CNTLN: variants seen among roughly 807,000 people sequenced by gnomAD.
CNTLN encodes the protein centlein, centrosomal protein.
A neutral mutation model predicts 180.0 loss-of-function variants in CNTLN; 212 were observed. The observed-to-expected ratio is 1.18, with a 90% CI of 1.05 to 1.32. The LOEUF (loss-of-function observed/expected upper bound fraction) is 1.32. Among genes scored for constraint, CNTLN ranks in the 40% most tolerant of loss-of-function variants. CNTLN has a pLI of 0.00. For missense variants in CNTLN, 2,095 were observed against 1,610.9 expected, an observed-to-expected ratio of 1.30 and a Z score of -5.14; for synonymous variants, 722 against 563.1, an observed-to-expected ratio of 1.28 and a Z score of -3.99.
chr9:17,480,123 C>T (rs1305976606), intron 23 of CNTLN, among the ~76,000 whole-genome samples: 1 of 151,978 alleles, frequency 6.6e-6, no homozygotes. Flanking sequence ...CCTAGGAGTT[C>T]AAGGCTATAG....
rs543892216 is a variant in CNTLN at position 17,256,140 on chromosome 9, T to C, written c.850-17593T>C. 2.0e-5 allele frequency among the ~76,000 whole-genome samples: 3 copies of C among 152,140 alleles called. No individual in the cohort carries two copies. In the South Asian group the frequency reaches 6.2e-4, roughly 31 times the overall value. ...TCCATAGTGTATATGTATTATATTT[T>C]ATTTATCCAGTCTGCTATTGATGGT... On this transcript the variant is annotated intron_variant, in intron 5 of 25. Transcript: ENST00000380647.
intron 10 of CNTLN, among the ~76,000 whole-genome samples, chr9:17,338,773 G>C (rs1253040882): frequency 6.6e-6 from 1 of 152,128 alleles, no homozygotes; most frequent in Non-Finnish European, 1.5e-5. Flanking sequence ...CTTAGAAGAA[G>C]AGATATAAAT....
At chr9:17,503,973 G>T (rs1179880993), downstream of CNTLN, 1 of 152,548 alleles carries the variant, frequency 6.6e-6, no homozygotes, top group Non-Finnish European at 1.5e-5. Context: ...CACACTACAT[G>T]AGTGTAGATG....
chr9:17,302,685 A>G (rs1328911110), intron 7 of CNTLN, among the ~76,000 whole-genome samples: 1 of 152,136 alleles, frequency 6.6e-6, no homozygotes, highest in Non-Finnish European at 1.5e-5. Context: ...AAAAATCATA[A>G]TTGTATTTTA....
intron 2 of CNTLN, among the ~76,000 whole-genome samples, chr9:17,203,751 G>T (rs1822718561): frequency 6.6e-6 from 1 of 152,098 alleles, no homozygotes; most frequent in South Asian, 2.1e-4. Context: ...TAGAGACGGG[G>T]TTTCACCACG....
intron 23 of CNTLN, among the ~76,000 whole-genome samples, chr9:17,478,725 C>T (rs1176712032): frequency 1.3e-5 from 2 of 152,006 alleles, no homozygotes; most frequent in African/African-American, 4.8e-5. Flanking sequence ...TCCAGTTATC[C>T]AGCATCATTT....
At chr9:17,274,828 T>C (rs1043140226) in intron 6 of CNTLN, among the ~76,000 whole-genome samples, 2 of 152,194 alleles carry the variant, frequency 1.3e-5, no homozygotes, top group Middle Eastern at 6.8e-3. Flanking sequence ...GTAGTTTTTA[T>C]AGTTCCATTA....
intron 25 of CNTLN, chr9:17,494,876 C>CTTTTT (rs35224903): frequency 1.5e-4 from 40 of 272,986 alleles, no homozygotes; most frequent in South Asian, 3.3e-4. Context: ...CTATACCATA[C>CTTTTT]TTTTTTTTTT....
chr9:17,261,117 T>C (rs977101089), intron 5 of CNTLN, among the ~76,000 whole-genome samples: 6 of 151,564 alleles, frequency 4.0e-5, no homozygotes, highest in African/African-American at 1.5e-4. Context: ...ATGTGATGCA[T>C]CTGGCTTTGT....
chr9:17,466,166 T>C (rs748213433), intron 22 of CNTLN, 48 bp downstream of exon 22: 2 of 1,513,334 alleles, frequency 1.3e-6, no homozygotes, highest in East Asian at 4.6e-5. Flanking sequence ...AATATAATCG[T>C]GTTTGTTTCA....
intron 20 of CNTLN, 26 bp downstream of exon 20, chr9:17,463,039 T>C (rs138618050): frequency 0.016 from 22,897 of 1,422,500 alleles, 215 homozygotes; most frequent in Non-Finnish European, 0.019. Flanking sequence ...TTCTATCCAT[T>C]GTATTTGGTG....
chr9:17,285,014 T>G (rs1038485132), intron 6 of CNTLN, among the ~76,000 whole-genome samples: 1 of 151,782 alleles, frequency 6.6e-6, no homozygotes, highest in Non-Finnish European at 1.5e-5. Context: ...TTTTTTTTTT[T>G]TAATTATACT....
At chr9:17,135,988 A>AC (rs150437552) in intron 1 of CNTLN, among the ~76,000 whole-genome samples, 3,295 of 152,160 alleles carry the variant, frequency 0.022, 120 homozygotes, top group African/African-American at 0.075. Flanking sequence ...TTGTTTATTA[A>AC]CCAGCTATGG....
At chr9:17,197,006 C>T (rs990739773) in intron 2 of CNTLN, among the ~76,000 whole-genome samples, 1 of 152,152 alleles carries the variant, frequency 6.6e-6, no homozygotes, top group African/African-American at 2.4e-5. Context: ...CTACATTTCC[C>T]AGTCTCTGGT....
chr9:17,272,993 T>C (rs1228951241), intron 5 of CNTLN, among the ~76,000 whole-genome samples: 1 of 152,154 alleles, frequency 6.6e-6, no homozygotes, highest in Non-Finnish European at 1.5e-5. Flanking sequence ...CTTTTCTTTT[T>C]TTACAGATAA....
intron 18 of CNTLN, among the ~76,000 whole-genome samples, chr9:17,437,896 T>C (rs145167718): frequency 6.6e-6 from 1 of 152,314 alleles, no homozygotes; most frequent in East Asian, 1.9e-4. Context: ...CATTCTTGAT[T>C]AAGGCTTTTG....
At chr9:17,443,447 C>T (rs1051992637) in intron 18 of CNTLN, among the ~76,000 whole-genome samples, 2 of 152,096 alleles carry the variant, frequency 1.3e-5, no homozygotes, top group East Asian at 3.9e-4. Context: ...ATTACAATTT[C>T]AGGGATTGTT....
intron 5 of CNTLN, among the ~76,000 whole-genome samples, chr9:17,248,619 A>G (rs1012898891): frequency 2.0e-5 from 3 of 149,312 alleles, no homozygotes; most frequent in African/African-American, 7.3e-5. Flanking sequence ...TAAAAAATCA[A>G]CTAAGAAAAT....
intron 5 of CNTLN, among the ~76,000 whole-genome samples, chr9:17,257,937 C>T (rs1368860318): frequency 7.0e-6 from 1 of 143,552 alleles, no homozygotes; most frequent in African/African-American, 2.7e-5. Flanking sequence ...TGCCTGTTCA[C>T]TCTGATGGTA....
Sources: gnomAD v4.1 joint callset for allele counts (sites outside exome capture counted in the v4.1 genomes callset) on GRCh38, gnomAD v4.1.1 for gene constraint, MANE v1.5 for transcripts, NCBI Gene and HGNC (gene_info 2026-07-23, HGNC 2026-07-21) for gene names.